CACNA2D3: variants seen among roughly 807,000 people sequenced by gnomAD.
The protein encoded by CACNA2D3 is calcium voltage-gated channel auxiliary subunit alpha2delta 3.
In CACNA2D3, 60 loss-of-function variants were observed where a neutral mutation model predicts 160.6. That is an observed-to-expected ratio of 0.37 (90% CI 0.30 to 0.46). The LOEUF is 0.46. Ranked by LOEUF, CACNA2D3 falls within the 20% of genes least tolerant of loss-of-function variation. CACNA2D3 has a pLI of 1.00. For synonymous variants in CACNA2D3, 558 were observed against 492.9 expected, an observed-to-expected ratio of 1.13 and a Z score of -1.75; for missense variants, 1,205 against 1,365.0, an observed-to-expected ratio of 0.88 and a Z score of 1.85.
chr3:54,207,869 A>G (rs533947902), intron 2 of CACNA2D3, among the ~76,000 whole-genome samples: 7 of 152,022 alleles, frequency 4.6e-5, no homozygotes, highest in Non-Finnish European at 8.8e-5. Flanking sequence ...CGGTGCATCT[A>G]TTCTCATGAC....
At chr3:54,216,009 C>T (rs750909800) in intron 2 of CACNA2D3, among the ~76,000 whole-genome samples, 3 of 151,970 alleles carry the variant, frequency 2.0e-5, no homozygotes, top group Admixed American at 6.6e-5. Context: ...AATAAAAACC[C>T]GTCAGTCCTG....
intron 3 of CACNA2D3, among the ~76,000 whole-genome samples, chr3:54,337,548 G>T (rs1219715339): frequency 6.6e-6 from 1 of 152,162 alleles, no homozygotes. Flanking sequence ...AAACTGAGTT[G>T]TCCCACAGTA....
intron 5 of CACNA2D3, among the ~76,000 whole-genome samples, chr3:54,554,237 C>G (rs1260286806): frequency 6.6e-6 from 1 of 152,174 alleles, no homozygotes; most frequent in Non-Finnish European, 1.5e-5. Context: ...CAGTAACTCT[C>G]TGGCTTATCC....
intron 3 of CACNA2D3, among the ~76,000 whole-genome samples, chr3:54,382,716 G>T (rs1043781010): frequency 6.6e-6 from 1 of 152,204 alleles, no homozygotes. Context: ...CCCAGGAGGC[G>T]GAGCTTGCAG....
chr3:54,187,761 A>G (rs1187093916), intron 2 of CACNA2D3, among the ~76,000 whole-genome samples: 1 of 152,080 alleles, frequency 6.6e-6, no homozygotes, highest in East Asian at 1.9e-4. Context: ...GGAGCGTGCA[A>G]CCTGAATCCC....
At chr3:55,061,731 G>A (rs954048421) in intron 35 of CACNA2D3, among the ~76,000 whole-genome samples, 1 of 152,124 alleles carries the variant, frequency 6.6e-6, no homozygotes, top group African/African-American at 2.4e-5. Context: ...AGAATTCTGC[G>A]TTTCAGACTG....
intron 2 of CACNA2D3, among the ~76,000 whole-genome samples, chr3:54,128,290 T>C (rs1479833736): frequency 6.6e-6 from 1 of 152,190 alleles, no homozygotes; most frequent in East Asian, 1.9e-4. Context: ...GATGAAGACA[T>C]AGCCATATGT....
chr3:54,997,014 G>T (rs879357900), intron 31 of CACNA2D3, among the ~76,000 whole-genome samples: 2 of 151,852 alleles, frequency 1.3e-5, no homozygotes, highest in African/African-American at 2.4e-5. Flanking sequence ...ACACACCGGG[G>T]CCTGTCAGGG....
chr3:55,032,186 TG>T (rs1703701749), intron 35 of CACNA2D3, among the ~76,000 whole-genome samples: 1 of 152,188 alleles, frequency 6.6e-6, no homozygotes, highest in African/African-American at 2.4e-5. Flanking sequence ...AGAGCCACTA[TG>T]TGCTGGAGTT....
At chr3:54,887,869 C>T in intron 23 of CACNA2D3, 90 bp from the exon 24 acceptor site, 1 of 924,656 alleles carries the variant, frequency 1.1e-6, no homozygotes, top group Non-Finnish European at 1.8e-6. Flanking sequence ...AGAAAGTAGC[C>T]TGCAGATGCT....
At chr3:55,002,139 G>C (rs1036548262) in intron 31 of CACNA2D3, among the ~76,000 whole-genome samples, 5 of 147,774 alleles carry the variant, frequency 3.4e-5, no homozygotes, top group African/African-American at 1.3e-4. Context: ...TTGGGTGACA[G>C]AGAGTGAGAC....
intron 8 of CACNA2D3, among the ~76,000 whole-genome samples, chr3:54,580,307 C>G (rs1268200709): frequency 6.6e-6 from 1 of 152,010 alleles, no homozygotes; most frequent in Non-Finnish European, 1.5e-5. Flanking sequence ...TAGTGAGGCT[C>G]TCTCCATGGG....
intron 11 of CACNA2D3, among the ~76,000 whole-genome samples, chr3:54,661,544 A>G (rs572040844): frequency 6.6e-6 from 1 of 152,274 alleles, no homozygotes; most frequent in East Asian, 1.9e-4. Flanking sequence ...GAAAGGGGCT[A>G]TATGCTCTCT....
chr3:54,386,794 G>A lies in CACNA2D3; in HGVS notation c.381+20G>A. 1 of 1,571,778 alleles carries A rather than the reference G, an allele frequency of 6.4e-7. No individual in the cohort carries two copies. ...TTACAGGTAACTGATTATAGTTTGA[G>A]TTAAATTGTTTTGTGTGTTTCCTGC... On this transcript the variant is annotated intron_variant, in intron 4 of 37. Transcript: ENST00000474759.
chr3:54,872,566 T>C (rs1168708), intron 18 of CACNA2D3, among the ~76,000 whole-genome samples: 7,485 of 152,252 alleles, frequency 0.049, 277 homozygotes, highest in South Asian at 0.12. Context: ...TGGGTTCTCA[T>C]GCCTTCCAGA....
intron 17 of CACNA2D3, among the ~76,000 whole-genome samples, chr3:54,854,775 C>T (rs1526592): frequency 0.77 from 117,742 of 151,956 alleles, 45,852 homozygotes; most frequent in Admixed American, 0.84. Context: ...TAATAAATAA[C>T]TACATATTTG....
chr3:54,974,841 G>A (rs2222071), intron 29 of CACNA2D3, among the ~76,000 whole-genome samples: 34,182 of 152,036 alleles, frequency 0.22, 4,207 homozygotes, highest in East Asian at 0.39. Flanking sequence ...GCACCCTTGG[G>A]GCAGGGTGAC....
At chr3:54,181,461 A>G (rs2107323170) in intron 2 of CACNA2D3, among the ~76,000 whole-genome samples, 1 of 152,334 alleles carries the variant, frequency 6.6e-6, no homozygotes, top group East Asian at 1.9e-4. Flanking sequence ...GGTAGGCATA[A>G]CATAAGGAGA....
intron 5 of CACNA2D3, among the ~76,000 whole-genome samples, chr3:54,549,074 C>T (rs1460989961): frequency 6.6e-6 from 1 of 152,186 alleles, no homozygotes; most frequent in African/African-American, 2.4e-5. Flanking sequence ...TAGAAGCAGG[C>T]TCATGGTTGC....
Sources: allele counts gnomAD v4.1 joint callset (sites outside exome capture counted in the v4.1 genomes callset), GRCh38; gene constraint gnomAD v4.1.1; transcripts MANE v1.5; gene names NCBI Gene and HGNC (gene_info 2026-07-23, HGNC 2026-07-21).